ARHGEF7: variants seen among roughly 807,000 people sequenced by gnomAD.
ARHGEF7 encodes the protein Rho guanine nucleotide exchange factor 7.
A neutral mutation model predicts 109.8 loss-of-function variants in ARHGEF7; 33 were observed. That is an observed-to-expected ratio of 0.30 (90% confidence interval 0.23 to 0.40). The LOEUF (loss-of-function observed/expected upper bound fraction) is 0.40, where lower values mean the gene tolerates loss of function less well. Among genes scored for constraint, ARHGEF7 ranks in the 10% least tolerant of loss-of-function variants. The probability of loss-of-function intolerance (pLI) is 1.00; values close to 1 mark genes in which losing one functional copy is unlikely to be tolerated. For missense variants in ARHGEF7, 938 were observed against 1,098.5 expected (o/e 0.85, Z 2.07); for synonymous variants, 458 against 424.6 (o/e 1.08, Z -0.97).
intron 2 of ARHGEF7, among the ~76,000 whole-genome samples, chr13:111,155,711 CT>C (rs1566649315): frequency 1.3e-5 from 2 of 152,182 alleles, no homozygotes; most frequent in African/African-American, 2.4e-5. Context: ...CGTTAACATA[CT>C]TTTGAAACTC....
chr13:111,154,451 G>A (rs527899092), intron 2 of ARHGEF7, among the ~76,000 whole-genome samples: 1 of 152,282 alleles, frequency 6.6e-6, no homozygotes, highest in South Asian at 2.1e-4. Context: ...GAAATAAAAT[G>A]GGCCAGCCCT....
intron 13 of ARHGEF7, 111 bp from the exon 14 acceptor site, chr13:111,280,161 A>G: frequency 1.7e-6 from 2 of 1,165,420 alleles, no homozygotes; most frequent in Middle Eastern, 2.1e-4. Flanking sequence ...TGGTTCACAA[A>G]CACAGTTCCT....
At chr13:111,281,534 T>C (rs2092780622) in intron 15 of ARHGEF7, among the ~76,000 whole-genome samples, 1 of 152,226 alleles carries the variant, frequency 6.6e-6, no homozygotes, top group Non-Finnish European at 1.5e-5. Flanking sequence ...TCCATCTGAT[T>C]TCTTTCAGCA....
At chr13:111,298,442 A>G (rs989391009) in intron 19 of ARHGEF7, among the ~76,000 whole-genome samples, 20 of 152,192 alleles carry the variant, frequency 1.3e-4, no homozygotes, top group South Asian at 4.2e-4. Flanking sequence ...TTAGCCAGGA[A>G]GGGCCCACCA....
chr13:111,252,630 T>G (rs573505857), intron 8 of ARHGEF7, among the ~76,000 whole-genome samples: 1 of 152,370 alleles, frequency 6.6e-6, no homozygotes, highest in East Asian at 1.9e-4. Context: ...TTACTATAAA[T>G]ATGTACAGTG....
intron 13 of ARHGEF7, among the ~76,000 whole-genome samples, chr13:111,277,915 C>G (rs530274943): frequency 3.3e-5 from 5 of 152,336 alleles, no homozygotes; most frequent in Non-Finnish European, 4.4e-5. Flanking sequence ...AGGACACAGA[C>G]TACTGTGGCA....
At chr13:111,219,721 A>G (rs764659326) in intron 5 of ARHGEF7, among the ~76,000 whole-genome samples, 4 of 152,020 alleles carry the variant, frequency 2.6e-5, no homozygotes, top group Non-Finnish European at 5.9e-5. Flanking sequence ...GTTAATAATG[A>G]TAATTTAAAA....
intron 2 of ARHGEF7, among the ~76,000 whole-genome samples, chr13:111,189,987 C>T (rs186757011): frequency 1.3e-5 from 2 of 152,292 alleles, no homozygotes; most frequent in African/African-American, 4.8e-5. Context: ...GGGAATTGGG[C>T]AGTGACCGCT....
intron 5 of ARHGEF7, among the ~76,000 whole-genome samples, chr13:111,222,272 A>C (rs949669642): frequency 3.3e-5 from 5 of 152,144 alleles, no homozygotes; most frequent in Non-Finnish European, 7.3e-5. Context: ...TATTTTTTAA[A>C]ATTCAAGAAA....
chr13:111,234,426 G>T (rs945440193), intron 6 of ARHGEF7, among the ~76,000 whole-genome samples: 7 of 152,146 alleles, frequency 4.6e-5, no homozygotes, highest in South Asian at 2.1e-4. Context: ...CTGTTTATTG[G>T]GCGCCTGCTC....
chr13:111,155,077 G>T (rs543905729), intron 2 of ARHGEF7, among the ~76,000 whole-genome samples: 6 of 152,272 alleles, frequency 3.9e-5, no homozygotes, highest in African/African-American at 1.4e-4. Flanking sequence ...ACTAGGTAGT[G>T]TATGAAACCT....
intron 4 of ARHGEF7, among the ~76,000 whole-genome samples, chr13:111,214,543 G>A (rs1399837089): frequency 6.6e-6 from 1 of 152,240 alleles, no homozygotes; most frequent in Admixed American, 6.5e-5. Context: ...AGTGAGTGGA[G>A]ATGGTGGTTT....
intron 2 of ARHGEF7, among the ~76,000 whole-genome samples, chr13:111,194,742 C>T (rs1402706321): frequency 1.3e-5 from 2 of 152,230 alleles, no homozygotes; most frequent in African/African-American, 4.8e-5. Flanking sequence ...CAATGCCTGA[C>T]CAAACAGGTG....
intron 1 of ARHGEF7, among the ~76,000 whole-genome samples, chr13:111,124,354 C>T (rs11840244): frequency 0.093 from 14,236 of 152,286 alleles, 691 homozygotes; most frequent in Middle Eastern, 0.12. Flanking sequence ...CATGGGGCAG[C>T]CTGGTGATGC....
Position 111,273,903 on chromosome 13 carries a change from G to T in ARHGEF7, c.1163G>T (p.Arg388Leu), listed in dbSNP as rs778093839. Residue 388 changes from arginine (R) to leucine (L), a missense_variant, in exon 10 of 22, where the codon CGC (arginine) becomes CTC (leucine). Physicochemically the swap from Arg to Leu is moderately radical, Grantham distance 102. Around this residue, in one of 4 missense-constraint regions of ARHGEF7, gnomAD observed 585 missense variants for 723.6 expected, o/e 0.81. Coordinates refer to ENST00000646102, the MANE Select transcript of ARHGEF7 (RefSeq NM_001354046.2). This position sits in a 1 kb window ranked among gnomAD's most constrained non-coding sequence, Gnocchi z 4.5. ...LTTGLSKPFM[R>L]LDKYPTLLKE... is the part of the protein sequence containing the mutation. ...ACGGGCCTGAGCAAACCCTTCATGC[G>T]CCTGGATAAATACCCTACGCTGCTC... 7 of 1,614,030 alleles carry T rather than the reference G, an allele frequency of 4.3e-6. No homozygotes were observed. Among genetic ancestry groups the T allele is most frequent in the Non-Finnish European group, 5.9e-6 (7 of 1,180,050 alleles).
intron 2 of ARHGEF7, among the ~76,000 whole-genome samples, chr13:111,169,301 T>G (rs1248080736): frequency 6.6e-6 from 1 of 152,322 alleles, no homozygotes; most frequent in East Asian, 1.9e-4. Context: ...AAAAGAGGTT[T>G]AATGGGCTCA....
chr13:111,262,700 T>C (rs2091235348), intron 8 of ARHGEF7, among the ~76,000 whole-genome samples: 1 of 152,192 alleles, frequency 6.6e-6, no homozygotes, highest in Non-Finnish European at 1.5e-5. Context: ...TCTCAAGTGT[T>C]TTTTCTGAGA....
At chr13:111,185,961 CGTGTGTGTGTGTGTGTGTGTGTGTGTGT>C (rs71127998) in intron 2 of ARHGEF7, among the ~76,000 whole-genome samples, 4 of 135,778 alleles carry the variant, frequency 2.9e-5, no homozygotes, top group Admixed American at 7.3e-5. Flanking sequence ...TTTGGGAGCT[CGTGTGTGTGTGTGTGTGTGTGTGTGTGT>C]GTGTGTGTGT....
chr13:111,254,585 C>T (rs576705828), intron 8 of ARHGEF7, among the ~76,000 whole-genome samples: 2 of 150,274 alleles, frequency 1.3e-5, no homozygotes, highest in East Asian at 4.0e-4. Flanking sequence ...GAAGGCTGGC[C>T]TCAGAAGAGG....
Sources: gnomAD v4.1 joint callset for allele counts (sites outside exome capture counted in the v4.1 genomes callset) on GRCh38, gnomAD v4.1.1 for gene constraint, gnomAD v4.1.1 regional missense constraint, Gnocchi (gnomAD v3.1) non-coding constraint, MANE v1.5 for transcripts, NCBI Gene and HGNC (gene_info 2026-07-23, HGNC 2026-07-21) for gene names.